Variants in PRG4 observed in about 807,000 individuals in gnomAD.
PRG4 encodes proteoglycan 4, also known as articular superficial zone protein.
PRG4 carries 61 observed loss-of-function variants against 91.2 expected under a neutral mutation model. The ratio of observed to expected loss-of-function variants is 0.67; its 90% CI spans 0.54 to 0.83. PRG4 has a LOEUF of 0.83. PRG4 is among the 40% of genes least tolerant of loss of function. PRG4 has a pLI of 0.00. For synonymous variants in PRG4, 576 were observed against 614.2 expected (o/e 0.94, Z 0.92); for missense variants, 1,564 against 1,714.2 (o/e 0.91, Z 1.55).
chr1:186,303,328 C>T (rs1458691340), intron 4 of PRG4, among the ~76,000 whole-genome samples: 5 of 151,934 alleles, frequency 3.3e-5, no homozygotes, highest in Admixed American at 6.6e-5. Flanking sequence ...GGCCAGTTCA[C>T]GGAGACTATA....
Position 186,308,649 on chromosome 1 carries a change from AAAC to A in PRG4, c.2934_2936del (p.Thr980del), listed in dbSNP as rs755445477. The A allele has an allele frequency of 3.8e-5, 62 of 1,612,332 alleles. No individual in the cohort carries two copies. The highest frequency in any genetic ancestry group is 4.4e-5 in the Non-Finnish European group (52 of 1,179,668). On this transcript the variant is annotated inframe_deletion, in exon 7 of 13. Coordinates refer to ENST00000445192, the MANE Select transcript of PRG4 (RefSeq NM_005807.6). The stretch of plus-strand genomic sequence containing the variant: ...ACACCATTCAAAATTACTACTCTTA[AAAC>A]AACTACTCTTGCACCCAAAGTAACT...
At chr1:186,301,511 C>G in intron 3 of PRG4, 81 bp from the exon 4 acceptor site, 3 of 1,591,642 alleles carry the variant, frequency 1.9e-6, no homozygotes, top group Non-Finnish European at 2.6e-6. Flanking sequence ...CTAGTCAAGT[C>G]TAAGGTGGGA....
rs190208558 is a variant in PRG4, at chr1:186,297,501, T to A, written c.76+550T>A. Among the ~76,000 whole-genome samples the A allele has an allele frequency of 2.6e-3, 393 of 152,320 alleles. 3 individuals carry two copies. The highest frequency in any genetic ancestry group is 2.3e-3 in the Non-Finnish European group (156 of 68,026). On this transcript the variant is annotated intron_variant, in intron 2 of 12. Coordinates refer to ENST00000445192, the MANE Select transcript of PRG4 (RefSeq NM_005807.6). ...AGGTATGGACATATACAGATGTGAC[T>A]GTCATTTTGTGTTATAACATTAAAC...
At chr1:186,311,254 AAT>A in intron 9 of PRG4, 84 bp downstream of exon 9, 4 of 1,462,908 alleles carry the variant, frequency 2.7e-6, no homozygotes, top group East Asian at 2.3e-5. Context: ...CTTAACCTCC[AAT>A]ATGTGTCCTT....
intron 4 of PRG4, among the ~76,000 whole-genome samples, chr1:186,303,424 C>A (rs1571556542): frequency 7.0e-6 from 1 of 142,290 alleles, no homozygotes; most frequent in East Asian, 2.1e-4. Flanking sequence ...GTGCTGTTTT[C>A]TTATCCTTCA....
intron 10 of PRG4, 136 bp downstream of exon 10, chr1:186,311,732 T>TA: frequency 1.1e-6 from 1 of 942,928 alleles, no homozygotes; most frequent in Non-Finnish European, 1.6e-6. Flanking sequence ...AAAATCAATA[T>TA]TGAGGGTAGT....
chr1:186,309,127 T>C lies in PRG4; in HGVS notation c.3408T>C (p.Asn1136=). 6.2e-7 allele frequency: 1 copy of C among 1,612,314 alleles called. No homozygotes were observed. ...PRVPNQGIII[N]PMLSDETNIC... Reference sequence around the variant, plus strand: ...TACCCAATCAAGGCATTATCATCAATCCCATGCTTTCCGGTATTAAGAATC... The same window carrying C: ...TACCCAATCAAGGCATTATCATCAACCCCATGCTTTCCGGTATTAAGAATC... Residue 1136 remains asparagine (N), a synonymous_variant, in exon 7 of 13, where the codon AAT becomes AAC. Transcript: ENST00000445192.
Position 186,308,857 on chromosome 1 carries a change from A to G in PRG4, c.3138A>G (p.Pro1046=), listed in dbSNP as rs3737940. 0.32 allele frequency: 516,554 copies of G among 1,613,490 alleles called. 86,501 individuals carry two copies. The highest frequency in any genetic ancestry group is 0.41 in the Admixed American group (24,672 of 59,994). The change falls in exon 7 of 13, where the codon CCA becomes CCG. Residue 1046 remains proline (P), a synonymous_variant. Coordinates refer to ENST00000445192, the MANE Select transcript of PRG4 (RefSeq NM_005807.6). ...KPKTMPRVRK[P]KTTPTPRKMT... is the part of the protein sequence containing the mutation. ...AAACAATGCCTAGAGTGAGAAAACC[A>G]AAGACGACACCAACTCCCCGCAAGA...
chr1:186,309,384 T>C (rs1374435344), intron 7 of PRG4, among the ~76,000 whole-genome samples: 1 of 152,118 alleles, frequency 6.6e-6, no homozygotes, highest in African/African-American at 2.4e-5. Context: ...AGATGGTATA[T>C]AGAAAGTCAA....
In PRG4 at chr1:186,306,078, C is replaced by T. The variant is rs998171366; in HGVS notation, c.599-240C>T. Among the ~76,000 whole-genome samples, 8 of 152,094 alleles carry T rather than the reference C, an allele frequency of 5.3e-5. No homozygotes were observed. In the East Asian group the frequency reaches 1.2e-3, roughly 22 times the overall value. ...TAATTTTGAACTTGCCACTGACTTC[C>T]ATGTATTAATTGTATAGAGTTTTAT... On this transcript the variant is annotated intron_variant, in intron 6 of 12. Transcript: ENST00000445192.
chr1:186,304,198 C>T lies in PRG4; in HGVS notation c.410C>T (p.Pro137Leu), dbSNP rs199586924. The T allele has an allele frequency of 6.2e-7, 1 of 1,613,690 alleles. No homozygotes were observed. Among genetic ancestry groups the T allele is most frequent in the East Asian group, 2.2e-5 (1 of 44,884 alleles). ...QTIKSTTKRS[P>L]KPPNKKKTKK... is the part of the protein sequence containing the mutation. ...ATCAAATCAACAACCAAACGTTCAC[C>T]CAAACCACCAAACAAGAAGAAGACT... Residue 137 changes from proline (P) to leucine (L), a missense_variant, in exon 5 of 13, where the codon CCC becomes CTC. Pro to Leu is a moderately conservative substitution (Grantham distance 98). This residue lies in a region of PRG4 where 437 missense variants were observed against 459.0 expected (regional missense o/e 0.95). Coordinates refer to ENST00000445192, the MANE Select transcript of PRG4 (RefSeq NM_005807.6).
In PRG4 at chr1:186,301,685, C is replaced by A; in HGVS notation, c.293C>A (p.Pro98His). Reference protein sequence around the residue: ...AQCKKYDKCCPDYESFCAEVH... With the variant: ...AQCKKYDKCCHDYESFCAEVH... ...TGTAAGAAGTATGACAAGTGCTGTC[C>A]CGATTATGAGAGTTTCTGTGCAGAA... Residue 98 changes from proline (P) to histidine (H), a missense_variant, in exon 4 of 13, where the codon CCC becomes CAC. Physicochemically the swap from Pro to His is moderately conservative, Grantham distance 77. Around this residue, in one of 3 missense-constraint regions of PRG4, gnomAD observed 437 missense variants for 459.0 expected, o/e 0.95. Coordinates refer to ENST00000445192, the MANE Select transcript of PRG4 (RefSeq NM_005807.6). The A allele has an allele frequency of 1.2e-6, 2 of 1,613,624 alleles. No homozygotes were observed. The highest frequency in any genetic ancestry group is 1.7e-6 in the Non-Finnish European group (2 of 1,179,690).
chr1:186,311,479 G>A lies in PRG4; in HGVS notation c.3676G>A (p.Ala1226Thr), dbSNP rs759451105. 6.2e-7 allele frequency: 1 copy of A among 1,613,528 alleles called. No homozygotes were observed. The highest frequency in any genetic ancestry group is 1.3e-5 in the African/African-American group (1 of 74,902). ...YWRFTNDIKD[A>T]GYPKPIFKGF... ...GCGTTTTACCAATGATATAAAAGAT[G>A]CAGGGTACCCCAAACCAATTTTCAA... The change falls in exon 10 of 13, where the codon GCA (alanine) becomes ACA (threonine). Residue 1226 changes from alanine (A) to threonine (T), a missense_variant. Transcript: ENST00000445192.
chr1:186,311,757 C>G (rs1461940806), intron 10 of PRG4, 161 bp downstream of exon 10: 5 of 744,696 alleles, frequency 6.7e-6, no homozygotes, highest in Non-Finnish European at 1.1e-5. Context: ...TTATTGCCCT[C>G]AATTTTTATT....
chr1:186,311,389 A>G, intron 9 of PRG4, 51 bp from the exon 10 acceptor site: 1 of 1,579,956 alleles, frequency 6.3e-7, no homozygotes, highest in Non-Finnish European at 8.7e-7. Context: ...AAGGAGTTCC[A>G]AATCTTTTTT....
intron 2 of PRG4, among the ~76,000 whole-genome samples, chr1:186,298,555 A>G (rs911218693): frequency 6.6e-6 from 1 of 151,582 alleles, no homozygotes; most frequent in Non-Finnish European, 1.5e-5. Flanking sequence ...CAGTGGCACA[A>G]TCTTGGCTCA....
In PRG4 at chr1:186,311,051, C is replaced by A. The variant is rs765434800; in HGVS notation, c.3517C>A (p.Leu1173Ile). The change falls in exon 9 of 13, where the codon CTA becomes ATA. Residue 1173 changes from leucine (L) to isoleucine (I), a missense_variant. By Grantham distance (5) the Leu-to-Ile change is conservative. Around this residue, in one of 3 missense-constraint regions of PRG4, gnomAD observed 1,079 missense variants for 1,162.2 expected, o/e 0.93. Transcript: ENST00000445192. Reference sequence around the variant, plus strand: ...AATTTTAGGTCATTATTTCTGGATGCTAAGTCCATTCAGTCCACCATCTCC... The same window carrying A: ...AATTTTAGGTCATTATTTCTGGATGATAAGTCCATTCAGTCCACCATCTCC... ...VAFRGHYFWM[L>I]SPFSPPSPAR... 1.9e-6 allele frequency: 3 copies of A among 1,614,014 alleles called. No individual in the cohort carries two copies. In the South Asian group the frequency reaches 3.3e-5, roughly 18 times the overall value.
rs149799261 is a variant in PRG4 at position 186,308,877 on chromosome 1, G to T, written c.3158G>T (p.Arg1053Leu). 8 of 1,613,644 alleles carry T rather than the reference G, an allele frequency of 5.0e-6. No homozygotes were observed. Among genetic ancestry groups the T allele is most frequent in the Non-Finnish European group, 6.8e-6 (8 of 1,179,912 alleles). Residue 1053 changes from arginine to leucine, a missense_variant, in exon 7 of 13, where the codon CGC becomes CTC. Around this residue, in one of 3 missense-constraint regions of PRG4, gnomAD observed 1,079 missense variants for 1,162.2 expected, o/e 0.93. Transcript: ENST00000445192. ...VRKPKTTPTP[R>L]KMTSTMPELN... Reference sequence around the variant, plus strand: ...AAACCAAAGACGACACCAACTCCCCGCAAGATGACATCAACAATGCCAGAA... The same window carrying T: ...AAACCAAAGACGACACCAACTCCCCTCAAGATGACATCAACAATGCCAGAA...
Position 186,300,195 on chromosome 1 carries a change from A to T in PRG4, c.181A>T (p.Lys61Ter). ...QHYMECCPDF[K>*]RVCTAELSCK... Reference sequence around the variant, plus strand: ...CTACATGGAGTGCTGCCCTGATTTCAAGAGAGTCTGCACTGCGGGTAAGTC... The same window carrying T: ...CTACATGGAGTGCTGCCCTGATTTCTAGAGAGTCTGCACTGCGGGTAAGTC... The change falls in exon 3 of 13, where the codon AAG (lysine) becomes TAG (stop). Residue 61 changes from lysine (K) to a stop codon, truncating the protein, a stop_gained. Transcript: ENST00000445192. LOFTEE classifies it high-confidence loss of function. 6.2e-7 allele frequency: 1 copy of T among 1,614,144 alleles called. No individual in the cohort carries two copies. Among genetic ancestry groups the T allele is most frequent in the South Asian group, 1.1e-5 (1 of 91,072 alleles).
Sources: gnomAD v4.1 joint callset for allele counts (sites outside exome capture counted in the v4.1 genomes callset) on GRCh38, gnomAD v4.1.1 for gene constraint, gnomAD v4.1.1 regional missense constraint, MANE v1.5 for transcripts, NCBI Gene and HGNC (gene_info 2026-07-23, HGNC 2026-07-21) for gene names.